Variants in ENGASE observed in about 807,000 individuals in gnomAD.
The protein encoded by ENGASE is endo-beta-N-acetylglucosaminidase, also known as cytosolic endo-beta-N-acetylglucosaminidase.
ENGASE carries 69 observed loss-of-function variants against 78.5 expected under a neutral mutation model. That is an observed-to-expected ratio of 0.88 (90% CI 0.72 to 1.07). The LOEUF (loss-of-function observed/expected upper bound fraction) is 1.07, where lower values mean the gene tolerates loss of function less well. Ranked by LOEUF, ENGASE falls within the 50% of genes least tolerant of loss-of-function variation. The pLI is 0.00. For synonymous variants in ENGASE, 408 were observed against 408.9 expected, an observed-to-expected ratio of 1.00 and a Z score of 0.03; for missense variants, 943 against 988.4, an observed-to-expected ratio of 0.95 and a Z score of 0.62.
intron 3 of ENGASE, among the ~76,000 whole-genome samples, 180 bp from the exon 4 acceptor site, chr17:79,079,309 G>A (rs775865887): frequency 2.0e-5 from 3 of 152,170 alleles, no homozygotes; most frequent in Admixed American, 6.5e-5. Flanking sequence ...GACTACAGGT[G>A]TGCACCACCA....
intron 5 of ENGASE, among the ~76,000 whole-genome samples, 180 bp from the exon 6 acceptor site, chr17:79,080,745 A>T (rs1391942019): frequency 6.6e-6 from 1 of 152,132 alleles, no homozygotes; most frequent in South Asian, 2.1e-4. Context: ...ATAAGAAAGG[A>T]CGGTCGTCTG....
chr17:79,084,076 T>G (rs1477918598), intron 10 of ENGASE, 125 bp downstream of exon 10: 2 of 831,936 alleles, frequency 2.4e-6, no homozygotes, highest in Admixed American at 5.9e-5. Context: ...GATGGGTTTT[T>G]TAAAATTGTG....
intron 13 of ENGASE, 85 bp downstream of exon 13, chr17:79,085,819 C>G: frequency 6.3e-7 from 1 of 1,599,618 alleles, no homozygotes; most frequent in Non-Finnish European, 8.5e-7. Flanking sequence ...CCGCCCCCTT[C>G]TTGGGTTCAG....
chr17:79,084,528 T>G lies in ENGASE; in HGVS notation c.1443-10T>G. The G allele has an allele frequency of 6.4e-7, 1 of 1,559,184 alleles. No individual in the cohort carries two copies. Among genetic ancestry groups the G allele is most frequent in the South Asian group, 1.2e-5 (1 of 82,900 alleles). ...CTCCACGGCACCCATCACAGGACCT[T>G]TTTCCCCAGGTTATTTTCCCTGCAG... is the stretch of plus-strand genomic sequence containing the variant. On this transcript the variant is annotated splice_polypyrimidine_tract_variant and intron_variant, in intron 10 of 13. Coordinates refer to ENST00000579016, the MANE Select transcript of ENGASE (RefSeq NM_001042573.3).
At chr17:79,084,435 G>A in intron 10 of ENGASE, 103 bp from the exon 11 acceptor site, 1 of 1,212,290 alleles carries the variant, frequency 8.2e-7, no homozygotes, top group Non-Finnish European at 1.1e-6. Context: ...TGGCACCCAG[G>A]CCCCCTGTTC....
rs919805153 is a variant in ENGASE at position 79,075,060 on chromosome 17, C to T, written c.116C>T (p.Pro39Leu). The change falls in exon 1 of 14, where the codon CCG (proline) becomes CTG (leucine). Residue 39 changes from proline to leucine, a missense_variant. By Grantham distance (98) the Pro-to-Leu change is moderately conservative. Transcript: ENST00000579016. ...GTQEEQEDQE[P>L]RPRRRRPGRS... is the part of the protein sequence containing the mutation. ...CAGGAGGAGCAGGAGGATCAGGAGC[C>T]GCGGCCGCGGCGGCGGCGGCCGGGA... is the stretch of plus-strand genomic sequence containing the variant. The T allele has an allele frequency of 8.3e-7, 1 of 1,202,692 alleles. No individual in the cohort carries two copies. The allele number at this position is 1,202,692 out of a possible 1,614,324, so 74.5% of individuals were successfully genotyped here.
Position 79,083,672 on chromosome 17 carries a change from A to G in ENGASE, c.1251+82A>G. ...AGGAGCCTGGGACTTGCCAGCAGGCACGGTGGTGGTCTTACCCTTCCCTGC... is the reference window on the plus strand; with the variant it reads ...AGGAGCCTGGGACTTGCCAGCAGGCGCGGTGGTGGTCTTACCCTTCCCTGC... On this transcript the variant is annotated intron_variant, in intron 9 of 13. Coordinates refer to ENST00000579016, the MANE Select transcript of ENGASE (RefSeq NM_001042573.3). The surrounding 1 kb of genome is among the most constrained non-coding windows in gnomAD (Gnocchi z 4.9). 1 of 1,566,016 alleles carries G rather than the reference A, an allele frequency of 6.4e-7. No individual in the cohort carries two copies. The highest frequency in any genetic ancestry group is 8.7e-7 in the Non-Finnish European group (1 of 1,144,570).
intron 10 of ENGASE, 97 bp downstream of exon 10, chr17:79,084,048 G>A (rs1194708270): frequency 9.6e-7 from 1 of 1,046,638 alleles, no homozygotes; most frequent in East Asian, 2.6e-5. Flanking sequence ...GCCAGAACAA[G>A]GACAGAGGAC....
Position 79,085,359 on chromosome 17 carries a change from C to T in ENGASE, c.1700+17C>T, listed in dbSNP as rs970815841. 2.0e-5 allele frequency: 32 copies of T among 1,566,574 alleles called. No homozygotes were observed. The highest frequency in any genetic ancestry group is 1.3e-4 in the East Asian group (6 of 44,498). ...GGTCCAGCAGTAAGTCCCTCTGCTT[C>T]TTCACGTCCTTCTCCCTCACTCAAG... On this transcript the variant is annotated intron_variant, in intron 12 of 13. Coordinates refer to ENST00000579016, the MANE Select transcript of ENGASE (RefSeq NM_001042573.3).
rs1253254625 is a variant in ENGASE, at chr17:79,086,976, C to G, written c.*627C>G. The G allele has an allele frequency of 7.9e-6, 4 of 503,384 alleles. No homozygotes were observed. Among genetic ancestry groups the G allele is most frequent in the Admixed American group, 6.0e-5 (3 of 49,606 alleles). The allele number at this position is 503,384 out of a possible 1,614,324, so 31.2% of individuals were successfully genotyped here. A position where few individuals can be genotyped will look rare whatever the true frequency, so the allele number is the denominator to read the frequency against. The stretch of plus-strand genomic sequence containing the variant: ...TCCACGTGGGCCAGCCCCAGCTGCT[C>G]CGTGTTTCCTGGCGTTGGCAATTTA... On this transcript the variant is annotated 3_prime_UTR_variant, in exon 14 of 14. Transcript: ENST00000579016.
chr17:79,081,840 G>A (rs541914209), intron 6 of ENGASE, 58 bp from the exon 7 acceptor site: 3 of 1,553,552 alleles, frequency 1.9e-6, no homozygotes, highest in Non-Finnish European at 2.6e-6. Context: ...CAGGGTTGGT[G>A]GGGGTGGCCC....
chr17:79,077,945 C>T, intron 3 of ENGASE, 81 bp downstream of exon 3: 1 of 1,379,490 alleles, frequency 7.2e-7, no homozygotes, highest in Admixed American at 2.1e-5. Context: ...GGAGAGAGTG[C>T]CATGTGTAGA....
At chr17:79,076,054 CCAAT>C (rs1157941239) in intron 1 of ENGASE, among the ~76,000 whole-genome samples, 1 of 152,164 alleles carries the variant, frequency 6.6e-6, no homozygotes, top group Non-Finnish European at 1.5e-5. Flanking sequence ...TCAGGGTCTC[CCAAT>C]GTCATTCTGG....
Position 79,083,451 on chromosome 17 carries a change from G to A in ENGASE, c.1143-31G>A. 1 of 1,561,332 alleles carries A rather than the reference G, an allele frequency of 6.4e-7. No homozygotes were observed. The highest frequency in any genetic ancestry group is 8.8e-7 in the Non-Finnish European group (1 of 1,134,530). Reference sequence around the variant, plus strand: ...CTGAGAGGCTCCCTCCCTTCCTCCGGACCGAGCTGTTGCCCCCATGTCTCT... The same window carrying A: ...CTGAGAGGCTCCCTCCCTTCCTCCGAACCGAGCTGTTGCCCCCATGTCTCT... On this transcript the variant is annotated intron_variant, in intron 8 of 13. Coordinates refer to ENST00000579016, the MANE Select transcript of ENGASE (RefSeq NM_001042573.3). This position sits in a 1 kb window ranked among gnomAD's most constrained non-coding sequence, Gnocchi z 4.9.
intron 6 of ENGASE, 132 bp from the exon 7 acceptor site, chr17:79,081,766 T>TGGGGTGGGGC: frequency 2.2e-6 from 2 of 893,504 alleles, no homozygotes; most frequent in Non-Finnish European, 2.9e-6. Context: ...TGGGGTGGGG[T>TGGGGTGGGGC]GGGGTGGGGT....
At chr17:79,085,494 G>A (rs2073269520) in intron 12 of ENGASE, 126 bp from the exon 13 acceptor site, 2 of 1,417,192 alleles carry the variant, frequency 1.4e-6, no homozygotes, top group Non-Finnish European at 1.9e-6. Flanking sequence ...GAGCCCTGCT[G>A]TCGGCCTGGG....
chr17:79,079,947 G>C (rs1459183216), intron 4 of ENGASE, among the ~76,000 whole-genome samples: 3 of 152,368 alleles, frequency 2.0e-5, no homozygotes, highest in Middle Eastern at 3.4e-3. Flanking sequence ...ATCGGCCCAA[G>C]GGCCACGGTT....
Position 79,086,542 on chromosome 17 carries a change from G to A in ENGASE, c.*193G>A. On this transcript the variant is annotated 3_prime_UTR_variant, in exon 14 of 14. Coordinates refer to ENST00000579016, the MANE Select transcript of ENGASE (RefSeq NM_001042573.3). ...GGCGATGGAAACAGGAAACCAAGCAGTGGGATCGCAGCGTTGGTCACTGCG... is the reference window on the plus strand; with the variant it reads ...GGCGATGGAAACAGGAAACCAAGCAATGGGATCGCAGCGTTGGTCACTGCG... 3.0e-6 allele frequency: 2 copies of A among 661,438 alleles called. No homozygotes were observed. The highest frequency in any genetic ancestry group is 3.0e-5 in the Admixed American group (1 of 33,714). The allele number at this position is 661,438 out of a possible 1,614,324, so 41.0% of individuals were successfully genotyped here. A position where few individuals can be genotyped will look rare whatever the true frequency, so the allele number is the denominator to read the frequency against.
chr17:79,086,329 C>G lies in ENGASE; in HGVS notation c.2212C>G (p.Leu738Val). Residue 738 changes from leucine (L) to valine (V), a missense_variant, in exon 14 of 14, where the codon CTT becomes GTT. Physicochemically the swap from Leu to Val is conservative, Grantham distance 32 (BLOSUM62 1). Coordinates refer to ENST00000579016, the MANE Select transcript of ENGASE (RefSeq NM_001042573.3). ...GGCCGAGTGGGGCAGGGCAGTTCTG[C>G]TTTATTCAGCCCCTGCATGAGCGGA... ...PQAEWGRAVL[L>V]YSAPA 6.2e-7 allele frequency: 1 copy of G among 1,612,852 alleles called. No individual in the cohort carries two copies. Among genetic ancestry groups the G allele is most frequent in the South Asian group, 1.1e-5 (1 of 91,056 alleles).
Sources: allele counts gnomAD v4.1 joint callset (sites outside exome capture counted in the v4.1 genomes callset), GRCh38; gene constraint gnomAD v4.1.1; non-coding constraint Gnocchi (gnomAD v3.1); transcripts MANE v1.5; gene names NCBI Gene and HGNC (gene_info 2026-07-23, HGNC 2026-07-21).